Variants in CADM2 observed in about 807,000 individuals in gnomAD.
The protein encoded by CADM2 is immunoglobulin superfamily member 4D.
CADM2 carries 12 observed loss-of-function variants against 49.8 expected under a neutral mutation model. The observed-to-expected ratio is 0.24, with a 90% CI of 0.15 to 0.39. The LOEUF (loss-of-function observed/expected upper bound fraction) is 0.39. Ranked by LOEUF, CADM2 falls within the 10% of genes least tolerant of loss-of-function variation. CADM2 has a pLI of 1.00. For missense variants in CADM2, 378 were observed against 492.3 expected, an observed-to-expected ratio of 0.77 and a Z score of 2.20; for synonymous variants, 214 against 175.4, an observed-to-expected ratio of 1.22 and a Z score of -1.74.
At chr3:85,194,491 A>T (rs572776617) in intron 1 of CADM2, among the ~76,000 whole-genome samples, 67 of 152,220 alleles carry the variant, frequency 4.4e-4, no homozygotes, top group African/African-American at 1.5e-3. Flanking sequence ...TGATGGTGGC[A>T]ATCTTGAAAA....
At chr3:85,784,616 A>T (rs2070869559) in intron 2 of CADM2, among the ~76,000 whole-genome samples, 1 of 152,124 alleles carries the variant, frequency 6.6e-6, no homozygotes, top group Admixed American at 6.6e-5. Flanking sequence ...AGCATATGAG[A>T]CTAGCACATT....
At chr3:85,285,826 T>A (rs2043621058) in intron 1 of CADM2, among the ~76,000 whole-genome samples, 1 of 151,690 alleles carries the variant, frequency 6.6e-6, no homozygotes. Context: ...TATTAAATAT[T>A]AAATATTTTA....
At chr3:85,011,167 TTA>T (rs1217387590) in intron 1 of CADM2, among the ~76,000 whole-genome samples, 2 of 151,212 alleles carry the variant, frequency 1.3e-5, no homozygotes, top group South Asian at 2.1e-4. Flanking sequence ...CCCAGGCTGT[TTA>T]TGTCTTTTTT....
At chr3:85,286,892 A>G (rs1268669709) in intron 1 of CADM2, among the ~76,000 whole-genome samples, 1 of 152,150 alleles carries the variant, frequency 6.6e-6, no homozygotes, top group Non-Finnish European at 1.5e-5. Flanking sequence ...TTTATAATAT[A>G]TACTTTAGTT....
At chr3:85,854,002 A>G (rs1221266425) in intron 3 of CADM2, among the ~76,000 whole-genome samples, 2 of 152,190 alleles carry the variant, frequency 1.3e-5, no homozygotes, top group Non-Finnish European at 2.9e-5. Context: ...TAAAAACTTT[A>G]CAGCTTAGTA....
chr3:85,442,096 A>AT (rs1319395428), intron 1 of CADM2, among the ~76,000 whole-genome samples: 4 of 152,148 alleles, frequency 2.6e-5, no homozygotes, highest in African/African-American at 9.6e-5. Context: ...CATTATTCAG[A>AT]TTTTGTCCAC....
intron 1 of CADM2, among the ~76,000 whole-genome samples, chr3:85,016,844 A>T (rs144031514): frequency 1.3e-5 from 2 of 152,092 alleles, no homozygotes; most frequent in African/African-American, 4.8e-5. Flanking sequence ...AAAACTCCAA[A>T]CTACAGCCAA....
At chr3:85,730,512 A>G (rs2067887100) in intron 2 of CADM2, among the ~76,000 whole-genome samples, 1 of 152,078 alleles carries the variant, frequency 6.6e-6, no homozygotes, top group African/African-American at 2.4e-5. Context: ...GCTTGCCTGA[A>G]ATAGTTTCTA....
chr3:85,008,450 G>A (rs1190584369), intron 1 of CADM2, among the ~76,000 whole-genome samples: 4 of 151,956 alleles, frequency 2.6e-5, no homozygotes, highest in South Asian at 2.1e-4. Context: ...TTGTGAGGGC[G>A]CTTTAGTTAA....
At chr3:85,473,198 A>G (rs1336388983) in intron 1 of CADM2, among the ~76,000 whole-genome samples, 1 of 152,094 alleles carries the variant, frequency 6.6e-6, no homozygotes, top group African/African-American at 2.4e-5. Flanking sequence ...AATGGAATTC[A>G]TTGAAATGAA....
At chr3:85,151,792 C>T (rs984933798) in intron 1 of CADM2, among the ~76,000 whole-genome samples, 1 of 152,120 alleles carries the variant, frequency 6.6e-6, no homozygotes, top group Non-Finnish European at 1.5e-5. Context: ...AGTCAATTTC[C>T]TGGTTCATAG....
chr3:85,887,901 C>T (rs1428964490), intron 5 of CADM2, among the ~76,000 whole-genome samples: 1 of 152,150 alleles, frequency 6.6e-6, no homozygotes, highest in Non-Finnish European at 1.5e-5. Flanking sequence ...TTAAGCATTT[C>T]TAATGGAAAG....
At position 85,002,723 on chromosome 3, in the gene CADM2, G is replaced by C. The variant is rs139364069; in HGVS notation, c.61+43055G>C. ...TACCATCTCCACAGACAAACATGTA[G>C]AGTCATTGAGCAGAATTTACAAGAA... On this transcript the variant is annotated intron_variant, in intron 1 of 9. Coordinates refer to ENST00000383699, the MANE Select transcript of CADM2 (RefSeq NM_001167675.2). Among the ~76,000 whole-genome samples, 970 of 152,228 alleles carry C rather than the reference G, an allele frequency of 6.4e-3. 16 individuals carry two copies. The highest frequency in any genetic ancestry group is 0.022 in the African/African-American group (928 of 41,574).
chr3:85,364,570 T>C (rs953198221), intron 1 of CADM2, among the ~76,000 whole-genome samples: 11 of 152,284 alleles, frequency 7.2e-5, no homozygotes, highest in African/African-American at 2.4e-4. Flanking sequence ...GAATGAGAGA[T>C]TAAAGCACAT....
At chr3:85,975,629 T>C (rs2108653519) in intron 8 of CADM2, among the ~76,000 whole-genome samples, 1 of 151,754 alleles carries the variant, frequency 6.6e-6, no homozygotes, top group East Asian at 1.9e-4. Context: ...ACTACAAATA[T>C]ATAATACGAC....
chr3:85,150,485 G>C (rs2107644934), intron 1 of CADM2, among the ~76,000 whole-genome samples: 1 of 152,116 alleles, frequency 6.6e-6, no homozygotes, highest in Non-Finnish European at 1.5e-5. Flanking sequence ...TTTTTCCAAT[G>C]AAGACCAAAT....
chr3:85,264,016 G>A (rs1178683995), intron 1 of CADM2, among the ~76,000 whole-genome samples: 1 of 152,014 alleles, frequency 6.6e-6, no homozygotes, highest in East Asian at 1.9e-4. Flanking sequence ...TATTCATAGG[G>A]AAAATGGAGG....
intron 1 of CADM2, among the ~76,000 whole-genome samples, chr3:85,337,045 A>ATATATATATATATT (rs1491151200): frequency 7.5e-6 from 1 of 134,028 alleles, no homozygotes; most frequent in African/African-American, 3.2e-5. Flanking sequence ...ATATATATAA[A>ATATATATATATATT]TATATATATA....
chr3:85,700,598 T>A (rs1033438221), intron 1 of CADM2, among the ~76,000 whole-genome samples: 2 of 152,168 alleles, frequency 1.3e-5, no homozygotes, highest in African/African-American at 2.4e-5. Flanking sequence ...TGTTTAAAAA[T>A]TTATTCTGCC....
Sources: allele counts gnomAD v4.1 joint callset (sites outside exome capture counted in the v4.1 genomes callset), GRCh38; gene constraint gnomAD v4.1.1; transcripts MANE v1.5; gene names NCBI Gene and HGNC (gene_info 2026-07-23, HGNC 2026-07-21).